The following GRID2 variants were observed in gnomAD, a reference collection of about 807,000 sequenced individuals.
GRID2 encodes the protein glutamate receptor ionotropic, delta-2.
A neutral mutation model predicts 114.8 loss-of-function variants in GRID2; 33 were observed. The observed-to-expected ratio is 0.29, with a 90% confidence interval of 0.22 to 0.38. GRID2 has a LOEUF of 0.38. Among genes scored for constraint, GRID2 ranks in the 10% least tolerant of loss-of-function variants. The probability of loss-of-function intolerance (pLI) is 1.00; values close to 1 mark genes in which losing one functional copy is unlikely to be tolerated. For synonymous variants in GRID2, 505 were observed against 449.9 expected (o/e 1.12, Z -1.55); for missense variants, 1,184 against 1,257.7 (o/e 0.94, Z 0.89).
intron 1 of GRID2, among the ~76,000 whole-genome samples, chr4:92,376,316 A>G (rs1729354862): frequency 6.6e-6 from 1 of 152,086 alleles, no homozygotes; most frequent in Non-Finnish European, 1.5e-5. Flanking sequence ...TCTCAAAAAA[A>G]TAATATATTA....
At chr4:93,700,409 C>T (rs1727409603) in intron 14 of GRID2, among the ~76,000 whole-genome samples, 1 of 152,050 alleles carries the variant, frequency 6.6e-6, no homozygotes, top group Non-Finnish European at 1.5e-5. Context: ...TCGATTGACT[C>T]AATTAATTGT....
chr4:93,321,003 C>T (rs1236034707), intron 8 of GRID2, among the ~76,000 whole-genome samples: 1 of 151,998 alleles, frequency 6.6e-6, no homozygotes. Flanking sequence ...AGCTGTGGAG[C>T]ACTCCAAAGA....
intron 2 of GRID2, among the ~76,000 whole-genome samples, chr4:92,674,901 T>C (rs896120014): frequency 6.6e-6 from 1 of 152,208 alleles, no homozygotes; most frequent in Admixed American, 6.5e-5. Flanking sequence ...TCCTATTACT[T>C]TCAAAACCTC....
intron 14 of GRID2, among the ~76,000 whole-genome samples, chr4:93,732,143 G>A (rs977073493): frequency 3.3e-5 from 5 of 152,194 alleles, no homozygotes; most frequent in Admixed American, 1.3e-4. Context: ...GACCATAGGA[G>A]AAAGCTAACA....
chr4:93,765,607 AT>A (rs202146492), intron 14 of GRID2, among the ~76,000 whole-genome samples: 95,797 of 142,196 alleles, frequency 0.67, 31,906 homozygotes, highest in East Asian at 0.79. Context: ...TAGGTGAGGT[AT>A]TATATATATA....
At chr4:93,685,967 T>C (rs1355173151) in intron 14 of GRID2, among the ~76,000 whole-genome samples, 2 of 152,066 alleles carry the variant, frequency 1.3e-5, no homozygotes, top group Non-Finnish European at 2.9e-5. Context: ...CATAAGTTAG[T>C]GTTCAATAAA....
At chr4:93,464,503 G>A (rs1425384637) in intron 11 of GRID2, among the ~76,000 whole-genome samples, 1 of 151,944 alleles carries the variant, frequency 6.6e-6, no homozygotes, top group African/African-American at 2.4e-5. Flanking sequence ...TAAAAAAATT[G>A]TTGGTCATAA....
chr4:92,746,052 C>T (rs1444405451), intron 2 of GRID2, among the ~76,000 whole-genome samples: 1 of 152,064 alleles, frequency 6.6e-6, no homozygotes, highest in Non-Finnish European at 1.5e-5. Context: ...ACGTCTGCAT[C>T]CAGCCACTTT....
intron 2 of GRID2, among the ~76,000 whole-genome samples, chr4:92,832,159 A>G (rs1742146204): frequency 6.6e-6 from 1 of 151,452 alleles, no homozygotes; most frequent in African/African-American, 2.4e-5. Context: ...TAAAAATGAG[A>G]CCGGGCATGG....
At chr4:93,477,746 T>C (rs1160720352) in intron 11 of GRID2, among the ~76,000 whole-genome samples, 1 of 152,146 alleles carries the variant, frequency 6.6e-6, no homozygotes, top group East Asian at 1.9e-4. Context: ...ATTCATACTA[T>C]GATCAGACTG....
Position 93,494,144 on chromosome 4 carries a change from T to G in GRID2, c.1997+3367T>G, listed in dbSNP as rs113797549. On this transcript the variant is annotated intron_variant, in intron 12 of 15. Transcript: ENST00000282020. ...CTAATTTTTCTTAGAAAAGACAAACTTTTTTTCAAAGTAGCATTCAATGTC... is the reference window on the plus strand; with the variant it reads ...CTAATTTTTCTTAGAAAAGACAAACGTTTTTTCAAAGTAGCATTCAATGTC... Among the ~76,000 whole-genome samples the G allele has an allele frequency of 2.0e-3, 302 of 151,940 alleles. 1 individual carries two copies. The highest frequency in any genetic ancestry group is 6.7e-3 in the African/African-American group (278 of 41,510).
At chr4:92,649,955 T>C (rs1731843725) in intron 2 of GRID2, among the ~76,000 whole-genome samples, 1 of 151,880 alleles carries the variant, frequency 6.6e-6, no homozygotes, top group African/African-American at 2.4e-5. Flanking sequence ...TTACAAAGGG[T>C]TTATCAGACA....
chr4:93,162,578 T>G (rs1737788508), intron 4 of GRID2, among the ~76,000 whole-genome samples: 1 of 152,006 alleles, frequency 6.6e-6, no homozygotes, highest in Admixed American at 6.6e-5. Flanking sequence ...GTCTGTAAGC[T>G]TAGCAACCCA....
At chr4:92,973,673 T>C (rs919924418) in intron 2 of GRID2, among the ~76,000 whole-genome samples, 6 of 152,182 alleles carry the variant, frequency 3.9e-5, no homozygotes, top group Non-Finnish European at 7.4e-5. Flanking sequence ...AAAGTGGAGA[T>C]AATTTATTTT....
At chr4:92,972,096 GT>G (rs1008705217) in intron 2 of GRID2, among the ~76,000 whole-genome samples, 1 of 150,662 alleles carries the variant, frequency 6.6e-6, no homozygotes, top group Non-Finnish European at 1.5e-5. Context: ...CCTACTTTTA[GT>G]TTTTTTTTCT....
intron 14 of GRID2, among the ~76,000 whole-genome samples, chr4:93,676,660 T>C (rs918892995): frequency 2.6e-5 from 4 of 151,662 alleles, no homozygotes; most frequent in Non-Finnish European, 4.4e-5. Flanking sequence ...TGTGTTCTCA[T>C]TGTTCAATTC....
intron 10 of GRID2, among the ~76,000 whole-genome samples, chr4:93,451,077 G>C (rs1178075797): frequency 6.6e-6 from 1 of 151,882 alleles, no homozygotes; most frequent in East Asian, 1.9e-4. Flanking sequence ...TTTAGTAGGG[G>C]CTCCATCTTT....
At chr4:92,555,210 T>G (rs1435219016) in intron 1 of GRID2, among the ~76,000 whole-genome samples, 1 of 151,972 alleles carries the variant, frequency 6.6e-6, no homozygotes, top group Non-Finnish European at 1.5e-5. Flanking sequence ...CCTCACTGAG[T>G]GAATATAAAA....
intron 8 of GRID2, among the ~76,000 whole-genome samples, chr4:93,251,191 GT>G (rs996550388): frequency 6.6e-6 from 1 of 152,170 alleles, no homozygotes; most frequent in Admixed American, 6.5e-5. Flanking sequence ...GTATTTAAAT[GT>G]TTCATATTTA....
Sources: gnomAD v4.1 joint callset for allele counts (sites outside exome capture counted in the v4.1 genomes callset) on GRCh38, gnomAD v4.1.1 for gene constraint, MANE v1.5 for transcripts, NCBI Gene and HGNC (gene_info 2026-07-23, HGNC 2026-07-21) for gene names.